The following XKR6 variants were observed in gnomAD, a reference collection of about 807,000 sequenced individuals.
The protein encoded by XKR6 is XK-related protein 6.
A neutral mutation model predicts 56.7 loss-of-function variants in XKR6; 22 were observed. The observed-to-expected ratio is 0.39, with a 90% CI of 0.28 to 0.55. The LOEUF is 0.55. Ranked by LOEUF, XKR6 falls within the 20% of genes least tolerant of loss-of-function variation. XKR6 has a pLI of 0.66. For missense variants in XKR6, 852 were observed against 889.0 expected, an observed-to-expected ratio of 0.96 and a Z score of 0.53; for synonymous variants, 524 against 387.8, an observed-to-expected ratio of 1.35 and a Z score of -4.13.
At chr8:11,173,064 G>A (rs1415100278) in intron 1 of XKR6, among the ~76,000 whole-genome samples, 3 of 152,030 alleles carry the variant, frequency 2.0e-5, no homozygotes, top group African/African-American at 4.8e-5. Flanking sequence ...GGCCGGGCGC[G>A]GTGGCTCACG....
intron 2 of XKR6, among the ~76,000 whole-genome samples, chr8:10,900,289 G>A (rs1490801473): frequency 6.6e-6 from 1 of 152,000 alleles, no homozygotes; most frequent in African/African-American, 2.4e-5. Context: ...AACTTCCCCA[G>A]ACCACCAGGC....
At chr8:10,911,199 CGT>C (rs745616432) in intron 2 of XKR6, among the ~76,000 whole-genome samples, 8,436 of 126,058 alleles carry the variant, frequency 0.067, 306 homozygotes, top group African/African-American at 0.12. Flanking sequence ...AGAGGGTGTG[CGT>C]GTGTGTGTGT....
intron 1 of XKR6, among the ~76,000 whole-genome samples, chr8:11,115,367 T>C (rs1799122531): frequency 6.6e-6 from 1 of 152,244 alleles, no homozygotes; most frequent in Admixed American, 6.5e-5. Context: ...AAACCATTTA[T>C]TTTAAGAGTA....
At chr8:11,069,067 C>G (rs1445738214) in intron 1 of XKR6, among the ~76,000 whole-genome samples, 2 of 152,014 alleles carry the variant, frequency 1.3e-5, no homozygotes, top group East Asian at 3.9e-4. Flanking sequence ...TTCCCTTCCC[C>G]CAGTCTTGCC....
chr8:11,026,764 A>C (rs35234078), intron 1 of XKR6, among the ~76,000 whole-genome samples: 1 of 150,158 alleles, frequency 6.7e-6, no homozygotes, highest in Non-Finnish European at 1.5e-5. Context: ...CTACACATCT[A>C]GATAGCCTAA....
intron 1 of XKR6, chr8:11,175,613 TAAAG>T (rs959558823): frequency 3.3e-5 from 5 of 152,044 alleles, no homozygotes; most frequent in Non-Finnish European, 5.9e-5. Flanking sequence ...TTAAGAAAAA[TAAAG>T]AATCTGTTTG....
intron 1 of XKR6, among the ~76,000 whole-genome samples, chr8:11,056,996 C>A (rs184986185): frequency 5.9e-4 from 90 of 152,338 alleles, no homozygotes; most frequent in Middle Eastern, 6.8e-3. Flanking sequence ...CCACGTCTGA[C>A]GCCTTGTCCT....
chr8:11,128,343 C>G (rs1158470608), intron 1 of XKR6, among the ~76,000 whole-genome samples: 2 of 152,202 alleles, frequency 1.3e-5, no homozygotes, highest in Non-Finnish European at 1.5e-5. Context: ...GAAAGTCATT[C>G]AATCTCAGGG....
intron 1 of XKR6, among the ~76,000 whole-genome samples, chr8:11,024,053 C>T (rs1798805357): frequency 6.6e-6 from 1 of 152,210 alleles, no homozygotes; most frequent in Non-Finnish European, 1.5e-5. Context: ...CATGGCACAT[C>T]CCGAAGTCTT....
At chr8:11,166,207 T>C (rs982671333) in intron 1 of XKR6, among the ~76,000 whole-genome samples, 1 of 152,194 alleles carries the variant, frequency 6.6e-6, no homozygotes, top group Non-Finnish European at 1.5e-5. Flanking sequence ...CATTGAACTA[T>C]CCTTCATTTT....
chr8:11,053,454 G>A (rs541204444), intron 1 of XKR6, among the ~76,000 whole-genome samples: 97 of 152,202 alleles, frequency 6.4e-4, no homozygotes, highest in Non-Finnish European at 1.2e-3. Context: ...CTCCCAGAGA[G>A]CTGCATCTCT....
chr8:11,077,446 T>A lies in XKR6; in HGVS notation c.764+123130A>T, dbSNP rs144473593. Among the ~76,000 whole-genome samples the A allele has an allele frequency of 3.4e-3, 513 of 152,264 alleles. 1 individual carries two copies. Among genetic ancestry groups the A allele is most frequent in the African/African-American group, 9.7e-3 (404 of 41,556 alleles). On this transcript the variant is annotated intron_variant, in intron 1 of 2. Transcript: ENST00000416569. ...CGTGGAGTCTCAAGCACTTTGAGTATGAGACTGTGGCCCTCAGTGAACAGT... is the reference window on the plus strand; with the variant it reads ...CGTGGAGTCTCAAGCACTTTGAGTAAGAGACTGTGGCCCTCAGTGAACAGT...
At chr8:11,087,888 G>A (rs540968560) in intron 1 of XKR6, among the ~76,000 whole-genome samples, 1 of 152,368 alleles carries the variant, frequency 6.6e-6, no homozygotes, top group South Asian at 2.1e-4. Context: ...GTCCTTTAAA[G>A]GGTGAAGTCT....
intron 1 of XKR6, among the ~76,000 whole-genome samples, chr8:10,929,583 G>C (rs1240768566): frequency 6.6e-6 from 1 of 152,202 alleles, no homozygotes. Flanking sequence ...AAACACCTGG[G>C]CTCCCTTCCA....
chr8:11,195,287 T>A lies in XKR6; in HGVS notation c.764+5289A>T, dbSNP rs1803813203. ...GTTTAACATTTTATGTTTACACCTT[T>A]CATTCTTTTAGCATTTCTGTTTACC... On this transcript the variant is annotated intron_variant, in intron 1 of 2. Transcript: ENST00000416569. 5 of 641,102 alleles carry A rather than the reference T, an allele frequency of 7.8e-6. No homozygotes were observed. In the East Asian group the frequency reaches 1.1e-4, roughly 15 times the overall value. 39.7% of individuals were successfully genotyped at this position (641,102 alleles called of 1,614,324 possible). A position where few individuals can be genotyped will look rare whatever the true frequency, so the allele number is the denominator to read the frequency against.
intron 1 of XKR6, among the ~76,000 whole-genome samples, chr8:11,089,373 G>A (rs1413332759): frequency 2.0e-5 from 3 of 152,224 alleles, no homozygotes; most frequent in Middle Eastern, 3.2e-3. Context: ...GCTCATGCCT[G>A]TAATCCTAGT....
At position 10,899,495 on chromosome 8, in the gene XKR6, C is replaced by T. The variant is rs375146440; in HGVS notation, c.962-579G>A. ...TTCCAGTTAGCTTCTCCCTGACCTGCCACCCAAGGCCAACAAGATCCAGGA... is the reference window on the plus strand; with the variant it reads ...TTCCAGTTAGCTTCTCCCTGACCTGTCACCCAAGGCCAACAAGATCCAGGA... On this transcript the variant is annotated intron_variant, in intron 2 of 2. Transcript: ENST00000416569. Among the ~76,000 whole-genome samples the T allele has an allele frequency of 3.9e-5, 6 of 152,336 alleles. No homozygotes were observed. The South Asian group carries it at 1.0e-3, about 26-fold the overall frequency.
intron 1 of XKR6, chr8:11,062,849 G>C (rs1353273800): frequency 1.3e-5 from 6 of 456,270 alleles, no homozygotes; most frequent in Non-Finnish European, 2.2e-5. Flanking sequence ...CTGAGTTCTA[G>C]CCAATGGGAG....
In XKR6 at chr8:10,958,408, G is replaced by C. The variant is rs113676659; in HGVS notation, c.765-33578C>G. 8.2e-3 allele frequency among the ~76,000 whole-genome samples: 1,246 copies of C among 152,318 alleles called. 6 individuals are homozygous for C. The highest frequency in any genetic ancestry group is 0.017 in the Middle Eastern group (5 of 294). On this transcript the variant is annotated intron_variant, in intron 1 of 2. Transcript: ENST00000416569. ...TGTGCTTCATTTGGTGAAATCAATAGTGACAATGGGCTGCCCAGTTGGTGC... is the reference window on the plus strand; with the variant it reads ...TGTGCTTCATTTGGTGAAATCAATACTGACAATGGGCTGCCCAGTTGGTGC...
Sources: gnomAD v4.1 joint callset for allele counts (sites outside exome capture counted in the v4.1 genomes callset) on GRCh38, gnomAD v4.1.1 for gene constraint, MANE v1.5 for transcripts, NCBI Gene and HGNC (gene_info 2026-07-23, HGNC 2026-07-21) for gene names.